The following CTR9 variants were observed in gnomAD, a reference collection of about 807,000 sequenced individuals.
CTR9 encodes the protein RNA polymerase-associated protein CTR9 homolog.
CTR9 carries 41 observed loss-of-function variants against 152.1 expected under a neutral mutation model. The ratio of observed to expected loss-of-function variants is 0.27; its 90% CI spans 0.21 to 0.35. The LOEUF is 0.35. CTR9 is among the 10% of genes least tolerant of loss of function. The probability of loss-of-function intolerance (pLI) is 1.00; values close to 1 mark genes in which losing one functional copy is unlikely to be tolerated. For synonymous variants in CTR9, 476 were observed against 496.2 expected (o/e 0.96, Z 0.54); for missense variants, 917 against 1,424.4 (o/e 0.64, Z 5.73).
chr11:10,764,119 T>C lies in CTR9; in HGVS notation c.1202T>C (p.Leu401Ser). 6.2e-7 allele frequency: 1 copy of C among 1,614,156 alleles called. No homozygotes were observed. The highest frequency in any genetic ancestry group is 8.5e-7 in the Non-Finnish European group (1 of 1,179,978). The change falls in exon 10 of 25, where the codon TTG becomes TCG. Residue 401 changes from leucine to serine, a missense_variant. Physicochemically the swap from Leu to Ser is moderately radical, Grantham distance 145. Transcript: ENST00000361367. ...CAATCTCTTTTATCCCAGGGCCATT[T>C]GAAGAAGGTCACAGAACAGTATCCC... ...QEKRDIAKGH[L>S]KKVTEQYPDD...
intron 18 of CTR9, 77 bp from the exon 19 acceptor site, chr11:10,771,468 C>A: frequency 9.3e-7 from 1 of 1,070,460 alleles, no homozygotes; most frequent in Non-Finnish European, 1.4e-6. Flanking sequence ...CTTTGTAGCA[C>A]AGATTAAATT....
Position 10,761,950 on chromosome 11 carries a change from G to A in CTR9, c.745G>A (p.Asp249Asn). 1 of 1,601,046 alleles carries A rather than the reference G, an allele frequency of 6.2e-7. No homozygotes were observed. ...AVLELNNKEA[D>N]SIKNGVQLLS... ...TTGTTGCAATGTTTTCTTTTAGGCT[G>A]ATTCCATTAAAAATGGTGTCCAGCT... The change falls in exon 7 of 25, where the codon GAT (aspartate) becomes AAT (asparagine). Residue 249 changes from aspartate to asparagine, a missense_variant. Around this residue, in one of 9 missense-constraint regions of CTR9, gnomAD observed 110 missense variants for 149.5 expected, o/e 0.74. Coordinates refer to ENST00000361367, the MANE Select transcript of CTR9 (RefSeq NM_014633.5).
rs762822976 is a variant in CTR9 at position 10,768,050 on chromosome 11, T to C, written c.1873-24T>C. 22 of 1,613,830 alleles carry C rather than the reference T, an allele frequency of 1.4e-5. No individual in the cohort carries two copies. The South Asian group carries it at 2.0e-4, about 14-fold the overall frequency. The stretch of plus-strand genomic sequence containing the variant: ...TACTCTACATTCTCGTTTGAATCTT[T>C]TTTAAGAGCACTTGTTTCTATAGGA... On this transcript the variant is annotated intron_variant, in intron 14 of 24. Transcript: ENST00000361367.
chr11:10,754,852 T>G (rs543787217), intron 2 of CTR9, 106 bp from the exon 3 acceptor site: 11 of 1,163,350 alleles, frequency 9.5e-6, no homozygotes, highest in Non-Finnish European at 1.3e-5. Flanking sequence ...ATTTTGATTG[T>G]TTCCAGTTTT....
chr11:10,765,765 C>T (rs1183528415), intron 12 of CTR9, among the ~76,000 whole-genome samples: 1 of 152,138 alleles, frequency 6.6e-6, no homozygotes, highest in Non-Finnish European at 1.5e-5. Flanking sequence ...CCCGGCATAT[C>T]AGGAGCTATT....
chr11:10,774,322 A>AC (rs1179837062), intron 22 of CTR9, 153 bp downstream of exon 22: 3 of 839,324 alleles, frequency 3.6e-6, no homozygotes, highest in Admixed American at 2.7e-5. Context: ...CCTAAGATAG[A>AC]CCCCAGTACA....
At chr11:10,754,273 G>A (rs147868917) in intron 2 of CTR9, among the ~76,000 whole-genome samples, 3 of 152,258 alleles carry the variant, frequency 2.0e-5, no homozygotes, top group South Asian at 2.1e-4. Context: ...CAGAACCCAA[G>A]TTTTCTATTT....
rs779829529 is a variant in CTR9, at chr11:10,763,449, C to T, written c.868C>T (p.His290Tyr). 6.2e-7 allele frequency: 1 copy of T among 1,611,700 alleles called. No homozygotes were observed. The change falls in exon 8 of 25, where the codon CAT (histidine) becomes TAT (tyrosine). Residue 290 changes from histidine to tyrosine, a missense_variant. His to Tyr is a moderately conservative substitution (Grantham distance 83). This residue lies in a region of CTR9 where 16 missense variants were observed against 67.4 expected (regional missense o/e 0.24). Transcript: ENST00000361367. ...TGTTCAGGATTATAGTAAAGTCCAGCATCTGGCCCTCCATGCATTCCATAA... is the reference window on the plus strand; with the variant it reads ...TGTTCAGGATTATAGTAAAGTCCAGTATCTGGCCCTCCATGCATTCCATAA... ...FFKKDYSKVQHLALHAFHNTE... is the reference protein window; with the variant it reads ...FFKKDYSKVQYLALHAFHNTE...
chr11:10,775,154 G>T (rs1863211274), intron 22 of CTR9, 53 bp from the exon 23 acceptor site: 3 of 1,428,390 alleles, frequency 2.1e-6, no homozygotes, highest in Admixed American at 1.8e-5. Flanking sequence ...AAGTAGTCTG[G>T]AACTTTATAG....
chr11:10,766,323 G>A (rs953492672), intron 12 of CTR9, 79 bp from the exon 13 acceptor site: 25 of 1,119,082 alleles, frequency 2.2e-5, no homozygotes, highest in Non-Finnish European at 2.6e-5. Flanking sequence ...AAAAAAAATT[G>A]TTTCAAAAGT....
At chr11:10,773,840 G>A (rs561901534) in intron 21 of CTR9, among the ~76,000 whole-genome samples, 172 bp from the exon 22 acceptor site, 1 of 139,714 alleles carries the variant, frequency 7.2e-6, no homozygotes, top group South Asian at 2.2e-4. Context: ...AGCCGAGATT[G>A]CCCCACTGCA....
chr11:10,768,556 C>T, intron 16 of CTR9, 65 bp downstream of exon 16: 1 of 1,491,350 alleles, frequency 6.7e-7, no homozygotes, highest in South Asian at 1.3e-5. Context: ...TTTTCTTAGC[C>T]ATTCTGGCCC....
chr11:10,763,404 T>C (rs903581809), intron 7 of CTR9, 27 bp from the exon 8 acceptor site: 1 of 1,478,332 alleles, frequency 6.8e-7, no homozygotes, highest in Admixed American at 1.7e-5. Context: ...ATGAATTCAC[T>C]CAGTTGACTT....
At position 10,755,351 on chromosome 11, in the gene CTR9, T is replaced by C. The variant is rs192206229; in HGVS notation, c.384+154T>C. Among the ~76,000 whole-genome samples, 219 of 152,328 alleles carry C rather than the reference T, an allele frequency of 1.4e-3. 1 individual carries two copies. The highest frequency in any genetic ancestry group is 0.01 in the Middle Eastern group (3 of 294). On this transcript the variant is annotated intron_variant, in intron 3 of 24. Transcript: ENST00000361367. ...GAAAGGTTCCTCATTAAAATCGGAA[T>C]GCTTTGGTTTTTGTACTGTTTAAGT...
chr11:10,773,991 A>T, intron 21 of CTR9, 21 bp from the exon 22 acceptor site: 1 of 1,588,436 alleles, frequency 6.3e-7, no homozygotes, highest in South Asian at 1.1e-5. Context: ...ATAACTGACT[A>T]TAGTGTTGTT....
At chr11:10,765,169 G>A (rs1443033760) in intron 12 of CTR9, among the ~76,000 whole-genome samples, 2 of 152,090 alleles carry the variant, frequency 1.3e-5, no homozygotes, top group African/African-American at 4.8e-5. Flanking sequence ...TATAAAATAA[G>A]GAAAGTTTTT....
intron 14 of CTR9, 31 bp from the exon 15 acceptor site, chr11:10,768,043 G>A: frequency 6.2e-7 from 1 of 1,613,686 alleles, no homozygotes; most frequent in Non-Finnish European, 8.5e-7. Context: ...ATTCTCGTTT[G>A]AATCTTTTTT....
At chr11:10,771,450 TTCTCAGA>T (rs1284141131) in intron 18 of CTR9, 88 bp from the exon 19 acceptor site, 1 of 866,592 alleles carries the variant, frequency 1.2e-6, no homozygotes, top group African/African-American at 1.7e-5. Context: ...TGCAAACCTT[TTCTCAGA>T]CTTTGTAGCA....
At chr11:10,754,920 A>G in intron 2 of CTR9, 38 bp from the exon 3 acceptor site, 2 of 1,592,110 alleles carry the variant, frequency 1.3e-6, no homozygotes, top group Non-Finnish European at 8.5e-7. Context: ...ATATGGACAT[A>G]TGCTTTAGTG....
Sources: allele counts gnomAD v4.1 joint callset (sites outside exome capture counted in the v4.1 genomes callset), GRCh38; gene constraint gnomAD v4.1.1; regional missense constraint gnomAD v4.1.1; transcripts MANE v1.5; gene names NCBI Gene and HGNC (gene_info 2026-07-23, HGNC 2026-07-21).